NREP: variants seen among roughly 807,000 people sequenced by gnomAD.
NREP encodes neuronal regeneration-related protein.
Under a neutral mutation model 8.6 loss-of-function variants are expected in NREP, and 5 were observed. That is an observed-to-expected ratio of 0.58 (90% CI 0.30 to 1.22). The LOEUF (loss-of-function observed/expected upper bound fraction) is 1.22, where lower values mean the gene tolerates loss of function less well. Among genes scored for constraint, NREP ranks in the 50% most tolerant of loss-of-function variants. NREP has a pLI of 0.07. For missense variants in NREP, 86 were observed against 82.5 expected (o/e 1.04, Z -0.17); for synonymous variants, 27 against 28.0 (o/e 0.96, Z 0.11).
At chr5:111,763,791 C>T (rs185598683) in intron 2 of NREP, among the ~76,000 whole-genome samples, 93 of 152,304 alleles carry the variant, frequency 6.1e-4, no homozygotes, top group Middle Eastern at 3.4e-3. Context: ...TGTGCGCGCA[C>T]GCGCATGCTT....
At chr5:111,816,462 C>T (rs992030233) in intron 2 of NREP, among the ~76,000 whole-genome samples, 1 of 152,000 alleles carries the variant, frequency 6.6e-6, no homozygotes, top group African/African-American at 2.4e-5. Context: ...AGATGAGAGG[C>T]TGGTAAATGG....
intron 2 of NREP, among the ~76,000 whole-genome samples, chr5:111,878,980 G>A (rs1022935744): frequency 6.6e-6 from 1 of 152,218 alleles, no homozygotes; most frequent in Non-Finnish European, 1.5e-5. Flanking sequence ...CAAGTCTCAT[G>A]TTGAAATGTG....
chr5:111,976,554 A>G (rs148768135), intron 1 of NREP, among the ~76,000 whole-genome samples: 1 of 152,378 alleles, frequency 6.6e-6, no homozygotes, highest in Non-Finnish European at 1.5e-5. Flanking sequence ...TACATAAAAT[A>G]TTTGTATTCA....
At chr5:111,953,103 C>A (rs1756211416) in intron 2 of NREP, among the ~76,000 whole-genome samples, 1 of 152,036 alleles carries the variant, frequency 6.6e-6, no homozygotes, top group Non-Finnish European at 1.5e-5. Flanking sequence ...CTAAGTAGCC[C>A]TCTTCTTCAA....
intron 2 of NREP, among the ~76,000 whole-genome samples, chr5:111,790,055 A>G (rs150514996): frequency 5.3e-5 from 8 of 152,318 alleles, no homozygotes; most frequent in East Asian, 3.9e-4. Flanking sequence ...TAGAAAGAAC[A>G]ATTATGAGCA....
chr5:111,742,056 T>C (rs73787367), intron 2 of NREP, among the ~76,000 whole-genome samples: 1,767 of 152,256 alleles, frequency 0.012, 12 homozygotes, highest in Middle Eastern at 0.048. Flanking sequence ...GAGACAACTG[T>C]GTTTCAATAA....
intron 2 of NREP, among the ~76,000 whole-genome samples, chr5:111,971,774 A>G (rs776112297): frequency 6.6e-6 from 1 of 152,214 alleles, no homozygotes; most frequent in Admixed American, 6.5e-5. Context: ...AAACTACTGG[A>G]AGAAAATGAT....
intron 2 of NREP, among the ~76,000 whole-genome samples, chr5:111,834,669 G>A (rs1381320313): frequency 6.6e-6 from 1 of 152,148 alleles, no homozygotes; most frequent in Non-Finnish European, 1.5e-5. Flanking sequence ...TTGAGTTGAA[G>A]AGCCAGTTTT....
intron 2 of NREP, among the ~76,000 whole-genome samples, chr5:111,782,077 A>G (rs1392033991): frequency 6.6e-6 from 1 of 152,224 alleles, no homozygotes; most frequent in African/African-American, 2.4e-5. Context: ...TAAACATTCT[A>G]GAAATGTCAT....
intron 2 of NREP, among the ~76,000 whole-genome samples, chr5:111,895,672 T>C (rs1250645648): frequency 1.3e-5 from 2 of 152,162 alleles, no homozygotes; most frequent in Admixed American, 6.6e-5. Flanking sequence ...TGAGACCAAA[T>C]AATTCTGTGC....
At chr5:111,762,055 T>G (rs1750972141), upstream of NREP, among the ~76,000 whole-genome samples, 2 of 152,000 alleles carry the variant, frequency 1.3e-5, no homozygotes, top group South Asian at 2.1e-4. Context: ...ATTAGAGTAA[T>G]TCACATGAGT....
In NREP at chr5:111,730,661, A is replaced by G. The variant is rs575987965; in HGVS notation, c.*260T>C. 2.3e-4 allele frequency: 79 copies of G among 339,004 alleles called. 1 individual carries two copies. Among genetic ancestry groups the G allele is most frequent in the Non-Finnish European group, 4.2e-4 (78 of 186,292 alleles). 21.0% of individuals were successfully genotyped at this position (339,004 alleles called of 1,614,324 possible). ...GTTGTGGAAGACATTGTTGTAGCGA[A>G]CCAGGCCTGAAGGCCCACCTGTAAG... On this transcript the variant is annotated 3_prime_UTR_variant, in exon 4 of 4. Transcript: ENST00000257435.
intron 2 of NREP, among the ~76,000 whole-genome samples, chr5:111,960,625 G>A (rs1169966168): frequency 6.6e-6 from 1 of 152,142 alleles, no homozygotes; most frequent in Non-Finnish European, 1.5e-5. Flanking sequence ...GAAAATCAAA[G>A]GGCAGTAAAG....
At chr5:111,869,584 C>T (rs1053740009) in intron 2 of NREP, among the ~76,000 whole-genome samples, 2 of 152,112 alleles carry the variant, frequency 1.3e-5, no homozygotes, top group Non-Finnish European at 2.9e-5. Context: ...AGTATAATGT[C>T]ATGGCTAACT....
At chr5:111,833,957 G>A (rs78097737) in intron 2 of NREP, among the ~76,000 whole-genome samples, 5,533 of 152,274 alleles carry the variant, frequency 0.036, 213 homozygotes, top group East Asian at 0.099. Context: ...TAGAGATGGT[G>A]TCTCCCTATA....
intron 2 of NREP, among the ~76,000 whole-genome samples, chr5:111,796,281 CT>C (rs775034349): frequency 5.3e-5 from 8 of 152,094 alleles, no homozygotes; most frequent in Admixed American, 1.3e-4. Context: ...ACTCTTTTGC[CT>C]CCTTCTTTCA....
At chr5:111,919,960 T>G (rs1755186190) in intron 2 of NREP, among the ~76,000 whole-genome samples, 1 of 103,270 alleles carries the variant, frequency 9.7e-6, no homozygotes, top group Non-Finnish European at 2.0e-5. Context: ...CTGAATTAAT[T>G]AATAAAAAGA....
intron 2 of NREP, among the ~76,000 whole-genome samples, chr5:111,839,880 G>C (rs1306990441): frequency 2.0e-5 from 3 of 152,122 alleles, no homozygotes; most frequent in Admixed American, 6.6e-5. Context: ...CTGTAGAACT[G>C]GTAGGTTAGT....
At chr5:111,882,712 T>C (rs1208750224) in intron 2 of NREP, among the ~76,000 whole-genome samples, 3 of 152,156 alleles carry the variant, frequency 2.0e-5, no homozygotes, top group African/African-American at 4.8e-5. Flanking sequence ...CAGAATTTCA[T>C]ATCCAGCCAA....
Sources: allele counts gnomAD v4.1 joint callset (sites outside exome capture counted in the v4.1 genomes callset), GRCh38; gene constraint gnomAD v4.1.1; transcripts MANE v1.5; gene names NCBI Gene and HGNC (gene_info 2026-07-23, HGNC 2026-07-21).